RIMS1: variants seen among roughly 807,000 people sequenced by gnomAD.
The protein encoded by RIMS1 is regulating synaptic membrane exocytosis 1, also known as regulating synaptic membrane exocytosis protein 1.
RIMS1 carries 83 observed loss-of-function variants against 214.1 expected under a neutral mutation model. The ratio of observed to expected loss-of-function variants is 0.39; its 90% CI spans 0.32 to 0.47. The LOEUF (loss-of-function observed/expected upper bound fraction) is 0.47. Ranked by LOEUF, RIMS1 falls within the 20% of genes least tolerant of loss-of-function variation. The pLI is 0.99. For synonymous variants in RIMS1, 793 were observed against 786.8 expected (o/e 1.01, Z -0.13); for missense variants, 2,050 against 2,161.8 (o/e 0.95, Z 1.03).
chr6:71,904,595 G>T (rs558129876), intron 1 of RIMS1, among the ~76,000 whole-genome samples: 1 of 152,196 alleles, frequency 6.6e-6, no homozygotes, highest in East Asian at 1.9e-4. Flanking sequence ...GCTTAGTGCA[G>T]CATCCACTCA....
At chr6:71,995,848 G>A (rs557071601) in intron 2 of RIMS1, among the ~76,000 whole-genome samples, 34 of 152,176 alleles carry the variant, frequency 2.2e-4, no homozygotes, top group African/African-American at 5.5e-4. Context: ...GTGCAGTGGC[G>A]TGATCTTGGC....
At chr6:72,390,530 G>T in intron 29 of RIMS1, 68 bp from the exon 30 acceptor site, 1 of 1,427,682 alleles carries the variant, frequency 7.0e-7, no homozygotes, top group Non-Finnish European at 9.6e-7. Flanking sequence ...GTATTTGCAG[G>T]ATCAATTGAT....
At chr6:72,115,305 T>C (rs12523789) in intron 4 of RIMS1, among the ~76,000 whole-genome samples, 28,807 of 151,812 alleles carry the variant, frequency 0.19, 3,201 homozygotes, top group Non-Finnish European at 0.25. Context: ...ACTTTTTTAT[T>C]AGAAAGAGCA....
At chr6:72,306,004 T>G (rs1184586499) in intron 26 of RIMS1, among the ~76,000 whole-genome samples, 1 of 152,168 alleles carries the variant, frequency 6.6e-6, no homozygotes, top group Non-Finnish European at 1.5e-5. Context: ...AGTTACAGAC[T>G]GATTTCTTTT....
chr6:72,344,107 T>C (rs1220163889), intron 29 of RIMS1, among the ~76,000 whole-genome samples: 1 of 151,796 alleles, frequency 6.6e-6, no homozygotes, highest in Non-Finnish European at 1.5e-5. Flanking sequence ...TTCTGTTAAT[T>C]TTTTCCAGTT....
chr6:72,225,837 T>A (rs2060020402), intron 6 of RIMS1, among the ~76,000 whole-genome samples: 1 of 152,188 alleles, frequency 6.6e-6, no homozygotes, highest in South Asian at 2.1e-4. Flanking sequence ...CAAGTATCCC[T>A]AAGATTGTCA....
At chr6:72,309,509 A>G (rs2095407325) in intron 27 of RIMS1, among the ~76,000 whole-genome samples, 1 of 152,084 alleles carries the variant, frequency 6.6e-6, no homozygotes, top group Non-Finnish European at 1.5e-5. Flanking sequence ...CATTGAAATG[A>G]ACACATTACT....
chr6:72,182,799 A>T lies in RIMS1; in HGVS notation c.1328A>T (p.Gln443Leu), dbSNP rs770517221. Residue 443 changes from glutamine to leucine, a missense_variant, in exon 6 of 34, where the codon CAG becomes CTG. Physicochemically the swap from Gln to Leu is moderately radical, Grantham distance 113. This residue lies in a region of RIMS1 where 882 missense variants were observed against 828.9 expected (regional missense o/e 1.06). Transcript: ENST00000521978. ...GAGACCAGGGCGCCGGGCGCCAAGC[A>T]GCTAACGAACCACAGCCCGCCGGCG... ...TAETRAPGAKQLTNHSPPAPR... is the reference protein window; with the variant it reads ...TAETRAPGAKLLTNHSPPAPR... 6.5e-7 allele frequency: 1 copy of T among 1,548,082 alleles called. No individual in the cohort carries two copies. Among genetic ancestry groups the T allele is most frequent in the South Asian group, 1.2e-5 (1 of 84,318 alleles).
In RIMS1 at chr6:72,392,059, A is replaced by G. The variant is rs182274760; in HGVS notation, c.4506-639A>G. The stretch of plus-strand genomic sequence containing the variant: ...TTCAAAAAATGCTTATTGAATGCCT[A>G]TCACATAATGAGCATAGTTGTCATT... On this transcript the variant is annotated intron_variant, in intron 30 of 33. Coordinates refer to ENST00000521978, the MANE Select transcript of RIMS1 (RefSeq NM_014989.7). Among the ~76,000 whole-genome samples, 3 of 152,366 alleles carry G rather than the reference A, an allele frequency of 2.0e-5. No homozygotes were observed. The East Asian group carries it at 5.8e-4, about 29-fold the overall frequency.
intron 26 of RIMS1, among the ~76,000 whole-genome samples, chr6:72,303,527 C>T (rs1490092640): frequency 1.3e-5 from 2 of 151,126 alleles, no homozygotes; most frequent in African/African-American, 4.8e-5. Context: ...TTTTTCTTAT[C>T]TTGCATACTC....
chr6:72,027,043 A>G (rs1190623666), intron 2 of RIMS1, among the ~76,000 whole-genome samples: 2 of 152,232 alleles, frequency 1.3e-5, no homozygotes, highest in Non-Finnish European at 2.9e-5. Context: ...AATTTTAATC[A>G]TGTGTGCATA....
intron 6 of RIMS1, among the ~76,000 whole-genome samples, chr6:72,208,148 A>G (rs576723417): frequency 1.3e-5 from 2 of 152,330 alleles, no homozygotes; most frequent in African/African-American, 2.4e-5. Flanking sequence ...ATAAAACTTG[A>G]CACAGCTTAG....
At chr6:72,218,571 G>A (rs1396516484) in intron 6 of RIMS1, among the ~76,000 whole-genome samples, 1 of 152,108 alleles carries the variant, frequency 6.6e-6, no homozygotes, top group Non-Finnish European at 1.5e-5. Flanking sequence ...TAGTGAGGAT[G>A]GAAGGATTTT....
chr6:71,964,694 A>G (rs1793950749), intron 1 of RIMS1, among the ~76,000 whole-genome samples: 1 of 152,170 alleles, frequency 6.6e-6, no homozygotes, highest in South Asian at 2.1e-4. Context: ...GGAAAAAAAA[A>G]ATGAAAAGTT....
chr6:72,307,264 T>C lies in RIMS1; in HGVS notation c.3857T>C (p.Leu1286Ser). The C allele has an allele frequency of 6.3e-7, 1 of 1,595,556 alleles. No individual in the cohort carries two copies. The highest frequency in any genetic ancestry group is 8.5e-7 in the Non-Finnish European group (1 of 1,170,122). ...CCATTATGTGTTTTTGCAGCAAGCT[T>C]AGTAGTGGAGGAGCGAACAAGACAG... is the stretch of plus-strand genomic sequence containing the variant. ...VRSGSIEQAS[L>S]VVEERTRQMK... Residue 1286 changes from leucine to serine, a missense_variant, in exon 27 of 34, where the codon TTA (leucine) becomes TCA (serine). Coordinates refer to ENST00000521978, the MANE Select transcript of RIMS1 (RefSeq NM_014989.7).
At chr6:72,137,328 T>C (rs2041446576) in intron 4 of RIMS1, among the ~76,000 whole-genome samples, 1 of 152,134 alleles carries the variant, frequency 6.6e-6, no homozygotes, top group Non-Finnish European at 1.5e-5. Flanking sequence ...TTTGAAGGTA[T>C]ACATTTCTCA....
At chr6:72,175,624 G>T (rs1263734680) in intron 4 of RIMS1, among the ~76,000 whole-genome samples, 3 of 151,634 alleles carry the variant, frequency 2.0e-5, no homozygotes, top group African/African-American at 7.3e-5. Context: ...AGTGAGCCAA[G>T]ATCGCGACAC....
At chr6:72,172,827 T>C (rs983395078) in intron 4 of RIMS1, among the ~76,000 whole-genome samples, 7 of 152,318 alleles carry the variant, frequency 4.6e-5, no homozygotes, top group East Asian at 1.9e-4. Context: ...GTTGTTGCTG[T>C]TGTCTTCTGG....
chr6:71,888,483 C>T lies in RIMS1; in HGVS notation c.164+1296C>T, dbSNP rs1768542485. On this transcript the variant is annotated intron_variant, in intron 1 of 33. Coordinates refer to ENST00000521978, the MANE Select transcript of RIMS1 (RefSeq NM_014989.7). The stretch of plus-strand genomic sequence containing the variant: ...ACACAGAGCACATTCTGCATGGCCT[C>T]TCCCCCACCCCCTAGAAGTGCCTCC... Among the ~76,000 whole-genome samples, 3 of 152,216 alleles carry T rather than the reference C, an allele frequency of 2.0e-5. No homozygotes were observed. In the South Asian group the frequency reaches 6.2e-4, roughly 32 times the overall value.
Sources: gnomAD v4.1 joint callset for allele counts (sites outside exome capture counted in the v4.1 genomes callset) on GRCh38, gnomAD v4.1.1 for gene constraint, gnomAD v4.1.1 regional missense constraint, MANE v1.5 for transcripts, NCBI Gene and HGNC (gene_info 2026-07-23, HGNC 2026-07-21) for gene names.